The following WSCD2 variants were observed in gnomAD, a reference collection of about 807,000 sequenced individuals.
The protein encoded by WSCD2 is sialate:O-sulfotransferase 2.
In WSCD2, 28 loss-of-function variants were observed where a neutral mutation model predicts 55.7. That is an observed-to-expected ratio of 0.50 (90% CI 0.37 to 0.69). WSCD2 has a LOEUF of 0.69. WSCD2 is among the 30% of genes least tolerant of loss of function. The pLI is 0.00. For synonymous variants in WSCD2, 301 were observed against 301.9 expected (o/e 1.00, Z 0.03); for missense variants, 616 against 762.1 (o/e 0.81, Z 2.26).
At chr12:108,223,423 G>A (rs1345133290) in intron 4 of WSCD2, among the ~76,000 whole-genome samples, 1 of 152,020 alleles carries the variant, frequency 6.6e-6, no homozygotes, top group African/African-American at 2.4e-5. Flanking sequence ...TCTTCACCTG[G>A]CTAAAATAAC....
At chr12:108,174,445 G>C (rs1393298378) in intron 1 of WSCD2, among the ~76,000 whole-genome samples, 1 of 152,110 alleles carries the variant, frequency 6.6e-6, no homozygotes, top group South Asian at 2.1e-4. Flanking sequence ...CTCCTATGGG[G>C]ATTTGGTGAG....
chr12:108,146,178 G>A (rs1877375378), intron 1 of WSCD2, among the ~76,000 whole-genome samples: 1 of 152,208 alleles, frequency 6.6e-6, no homozygotes, highest in Non-Finnish European at 1.5e-5. Context: ...GTTATCTTCT[G>A]TATTGTGGTA....
intron 2 of WSCD2, among the ~76,000 whole-genome samples, chr12:108,203,673 T>C (rs1308304209): frequency 6.6e-6 from 1 of 152,192 alleles, no homozygotes; most frequent in African/African-American, 2.4e-5. Flanking sequence ...ACATACATCT[T>C]TACTCCCATT....
In WSCD2 at chr12:108,129,777, C is replaced by G. The variant is rs528156626; in HGVS notation, c.-701C>G. 1 of 152,390 alleles carries G rather than the reference C, an allele frequency of 6.6e-6. No homozygotes were observed. The highest frequency in any genetic ancestry group is 1.5e-5 in the Non-Finnish European group (1 of 68,088). The allele number at this position is 152,390 out of a possible 1,614,324, so 9.4% of individuals were successfully genotyped here. ...GAGCCTTGGTGGCGAGAAAGGAAAT[C>G]CAGGCTCCCCTTTCCTTAAAGCCAC... On this transcript the variant is annotated 5_prime_UTR_variant, in exon 1 of 9. It adds an upstream start codon to the 5' untranslated region. Coordinates refer to ENST00000547525, the MANE Select transcript of WSCD2 (RefSeq NM_014653.4).
intron 4 of WSCD2, among the ~76,000 whole-genome samples, chr12:108,223,629 A>G (rs1460682954): frequency 6.6e-6 from 1 of 152,168 alleles, no homozygotes; most frequent in African/African-American, 2.4e-5. Flanking sequence ...ACTGGATGCT[A>G]TAGGCACCCA....
chr12:108,210,743 G>A lies in WSCD2; in HGVS notation c.682+438G>A, dbSNP rs1035578328. Among the ~76,000 whole-genome samples, 2 of 152,096 alleles carry A rather than the reference G, an allele frequency of 1.3e-5. No individual in the cohort carries two copies. Among genetic ancestry groups the A allele is most frequent in the Non-Finnish European group, 2.9e-5 (2 of 68,016 alleles). On this transcript the variant is annotated intron_variant, in intron 4 of 8. Coordinates refer to ENST00000547525, the MANE Select transcript of WSCD2 (RefSeq NM_014653.4). The surrounding 1 kb of genome is among the most constrained non-coding windows in gnomAD (Gnocchi z 4.3). ...ATCTTCACAATGACCCTTGACATAG[G>A]TACTATTATTTACTTATTCCCATTT...
intron 1 of WSCD2, among the ~76,000 whole-genome samples, chr12:108,180,509 G>C (rs1308813631): frequency 6.6e-6 from 1 of 152,262 alleles, no homozygotes; most frequent in Non-Finnish European, 1.5e-5. Flanking sequence ...AATGTTTGTT[G>C]AATGAATGGA....
intron 1 of WSCD2, among the ~76,000 whole-genome samples, chr12:108,170,979 G>T (rs1205778912): frequency 6.6e-6 from 1 of 152,168 alleles, no homozygotes; most frequent in Non-Finnish European, 1.5e-5. Flanking sequence ...ACTGGCTTCA[G>T]AGCATACAAA....
intron 1 of WSCD2, among the ~76,000 whole-genome samples, chr12:108,191,914 T>G (rs1178484597): frequency 6.6e-6 from 1 of 152,192 alleles, no homozygotes; most frequent in East Asian, 1.9e-4. Flanking sequence ...CACCCATGCC[T>G]CAGTCTCATT....
intron 3 of WSCD2, among the ~76,000 whole-genome samples, chr12:108,207,745 A>C (rs1218201151): frequency 2.6e-5 from 4 of 151,936 alleles, no homozygotes; most frequent in African/African-American, 9.7e-5. Context: ...TAGGGAGCCC[A>C]CTATTAAAAT....
chr12:108,166,660 T>C (rs1879624389), intron 1 of WSCD2, among the ~76,000 whole-genome samples: 2 of 152,158 alleles, frequency 1.3e-5, no homozygotes, highest in Admixed American at 1.3e-4. Context: ...CTGTCAGACC[T>C]ACCTGTGTGC....
chr12:108,196,289 T>G, intron 2 of WSCD2, 75 bp downstream of exon 2: 1 of 1,474,068 alleles, frequency 6.8e-7, no homozygotes, highest in Non-Finnish European at 9.0e-7. Flanking sequence ...ATAACAGCTG[T>G]CAGTTTTCAG....
intron 4 of WSCD2, among the ~76,000 whole-genome samples, chr12:108,218,081 G>T (rs1232751000): frequency 6.6e-6 from 1 of 152,136 alleles, no homozygotes; most frequent in Non-Finnish European, 1.5e-5. Flanking sequence ...ACCTTTGACT[G>T]CCCCCTCTCT....
At chr12:108,152,135 G>C (rs1878072801) in intron 1 of WSCD2, among the ~76,000 whole-genome samples, 1 of 152,246 alleles carries the variant, frequency 6.6e-6, no homozygotes, top group African/African-American at 2.4e-5. Context: ...GAAGGGCCAA[G>C]AGGAAAAAGA....
At chr12:108,171,883 A>C (rs1880291958) in intron 1 of WSCD2, 3 of 152,228 alleles carry the variant, frequency 2.0e-5, no homozygotes, top group Non-Finnish European at 4.4e-5. Context: ...TTAAATAAGA[A>C]TTCTTTTTAT....
chr12:108,139,471 G>T (rs1243313803), intron 1 of WSCD2, among the ~76,000 whole-genome samples: 1 of 152,162 alleles, frequency 6.6e-6, no homozygotes, highest in Admixed American at 6.5e-5. Flanking sequence ...GTCCAGAGTA[G>T]TACATGCTGC....
In WSCD2 at chr12:108,195,491, T is replaced by C. The variant is rs1001795759; in HGVS notation, c.-342T>C. 8.5e-6 allele frequency: 2 copies of C among 236,194 alleles called. No homozygotes were observed. Among genetic ancestry groups the C allele is most frequent in the Admixed American group, 1.0e-4 (2 of 19,354 alleles). 14.6% of individuals were successfully genotyped at this position (236,194 alleles called of 1,614,324 possible). Reference sequence around the variant, plus strand: ...GTAACCCTCAGAAACCTTCTCCAAGTGCTATTCTCACAGTTCTTTAGGAAC... The same window carrying C: ...GTAACCCTCAGAAACCTTCTCCAAGCGCTATTCTCACAGTTCTTTAGGAAC... On this transcript the variant is annotated 5_prime_UTR_variant, in exon 2 of 9. Coordinates refer to ENST00000547525, the MANE Select transcript of WSCD2 (RefSeq NM_014653.4).
At chr12:108,149,116 C>G (rs922397923) in intron 1 of WSCD2, among the ~76,000 whole-genome samples, 14 of 152,188 alleles carry the variant, frequency 9.2e-5, no homozygotes, top group African/African-American at 3.4e-4. Context: ...GCAGGAAACC[C>G]TGTAAAATTC....
intron 1 of WSCD2, among the ~76,000 whole-genome samples, chr12:108,191,151 A>G (rs1342288110): frequency 6.6e-6 from 1 of 152,246 alleles, no homozygotes; most frequent in Non-Finnish European, 1.5e-5. Context: ...TAGACACATT[A>G]TCTGTGGATT....
Sources: allele counts gnomAD v4.1 joint callset (sites outside exome capture counted in the v4.1 genomes callset), GRCh38; gene constraint gnomAD v4.1.1; non-coding constraint Gnocchi (gnomAD v3.1); transcripts MANE v1.5; gene names NCBI Gene and HGNC (gene_info 2026-07-23, HGNC 2026-07-21).